The following GPHN variants were observed in gnomAD, a reference collection of about 807,000 sequenced individuals.
GPHN encodes the protein gephyrin.
GPHN carries 17 observed loss-of-function variants against 95.5 expected under a neutral mutation model. That is an observed-to-expected ratio of 0.18 (90% CI 0.12 to 0.27). The LOEUF is 0.27. Ranked by LOEUF, GPHN falls within the 10% of genes least tolerant of loss-of-function variation. GPHN has a pLI of 1.00. For synonymous variants in GPHN, 320 were observed against 322.5 expected (o/e 0.99, Z 0.08); for missense variants, 660 against 978.1 (o/e 0.67, Z 4.34).
the GPHN span, among the ~76,000 whole-genome samples, chr14:67,417,202 T>C: frequency 6.6e-6 from 1 of 152,228 alleles, no homozygotes. Flanking sequence ...ATGTTACTGA[T>C]GGCAAGTTAC....
At chr14:67,620,868 A>G in the GPHN span, 1 of 1,613,278 alleles carries the variant, frequency 6.2e-7, no homozygotes, top group Non-Finnish European at 8.5e-7. Context: ...CTCTACCTCT[A>G]ATTGTGTAAT....
At chr14:67,221,998 G>T in the GPHN span, 1 of 638,288 alleles carries the variant, frequency 1.6e-6, no homozygotes, top group Non-Finnish European at 2.5e-6. Context: ...CCGATCCTCA[G>T]GCTATCTTTC....
At chr14:67,434,555 C>T in the GPHN span, among the ~76,000 whole-genome samples, 719 of 152,258 alleles carry the variant, frequency 4.7e-3, 6 homozygotes, top group African/African-American at 0.016. Flanking sequence ...TCAAGAAGGT[C>T]AGTTTATGAA....
chr14:67,382,860 G>A, the GPHN span, among the ~76,000 whole-genome samples: 1 of 152,018 alleles, frequency 6.6e-6, no homozygotes, highest in Non-Finnish European at 1.5e-5. Context: ...GTTGTCTCCT[G>A]TCTTTTCCTT....
At chr14:67,104,276 T>C (rs2077911359) in intron 13 of GPHN, among the ~76,000 whole-genome samples, 1 of 152,222 alleles carries the variant, frequency 6.6e-6, no homozygotes, top group Non-Finnish European at 1.5e-5. Flanking sequence ...GCAAGTGTTT[T>C]ATTAAGCATT....
At chr14:66,551,997 A>T (rs1281407864) in intron 1 of GPHN, among the ~76,000 whole-genome samples, 1 of 152,088 alleles carries the variant, frequency 6.6e-6, no homozygotes, top group African/African-American at 2.4e-5. Flanking sequence ...AGAGAAACCA[A>T]CCTTTATCTT....
intron 11 of GPHN, among the ~76,000 whole-genome samples, chr14:67,068,810 A>G (rs958915486): frequency 7.2e-5 from 11 of 152,196 alleles, no homozygotes; most frequent in Non-Finnish European, 1.6e-4. Context: ...AATACTGACC[A>G]CAGCACAAAG....
intron 1 of GPHN, among the ~76,000 whole-genome samples, chr14:66,512,988 T>A (rs1048445789): frequency 5.9e-5 from 9 of 151,774 alleles, no homozygotes. Context: ...CTTAGCTGTT[T>A]TTTTAATATG....
intron 1 of GPHN, among the ~76,000 whole-genome samples, chr14:66,561,800 G>A (rs946087369): frequency 6.6e-6 from 1 of 152,072 alleles, no homozygotes; most frequent in African/African-American, 2.4e-5. Context: ...TAGTTCTGAA[G>A]ATCAGAGGTC....
At chr14:67,242,188 A>T in the GPHN span, among the ~76,000 whole-genome samples, 1 of 152,208 alleles carries the variant, frequency 6.6e-6, no homozygotes, top group Non-Finnish European at 1.5e-5. Flanking sequence ...TAACTTTCTA[A>T]TGATCATAAC....
the GPHN span, among the ~76,000 whole-genome samples, chr14:67,417,947 T>G: frequency 1.3e-5 from 2 of 152,092 alleles, no homozygotes; most frequent in Non-Finnish European, 2.9e-5. Context: ...GGTCTCCCTG[T>G]GTTGCCCAGG....
At chr14:66,846,299 G>A (rs2062335590) in intron 4 of GPHN, among the ~76,000 whole-genome samples, 1 of 152,220 alleles carries the variant, frequency 6.6e-6, no homozygotes, top group Non-Finnish European at 1.5e-5. Context: ...ATGTGTGAGA[G>A]ATAAGTTAAT....
the GPHN span, among the ~76,000 whole-genome samples, chr14:67,375,690 CTG>C: frequency 6.6e-6 from 1 of 152,158 alleles, no homozygotes; most frequent in African/African-American, 2.4e-5. Context: ...TTTGAAAACA[CTG>C]TCAGTAAAAT....
the GPHN span, chr14:67,316,989 A>AG: frequency 6.2e-5 from 63 of 1,011,150 alleles, no homozygotes; most frequent in East Asian, 1.0e-4. Flanking sequence ...AGAACCGTGA[A>AG]GAAGTACTCA....
At chr14:67,449,381 G>A in the GPHN span, among the ~76,000 whole-genome samples, 1 of 152,168 alleles carries the variant, frequency 6.6e-6, no homozygotes, top group Non-Finnish European at 1.5e-5. Context: ...GAAGAGGGTT[G>A]TGGTAGGCAC....
the GPHN span, among the ~76,000 whole-genome samples, chr14:67,709,753 G>T: frequency 1.3e-5 from 2 of 152,166 alleles, no homozygotes; most frequent in Admixed American, 6.6e-5. Flanking sequence ...TAAAAAATTA[G>T]CAGGACTTTG....
At chr14:66,551,529 G>T (rs372660781) in intron 1 of GPHN, among the ~76,000 whole-genome samples, 20 of 152,222 alleles carry the variant, frequency 1.3e-4, no homozygotes, top group African/African-American at 4.3e-4. Context: ...GTTGCTCTTC[G>T]GATATTCACA....
chr14:67,491,563 A>T, the GPHN span, among the ~76,000 whole-genome samples: 1 of 152,278 alleles, frequency 6.6e-6, no homozygotes, highest in Admixed American at 6.5e-5. Context: ...GGGTTTTAGG[A>T]GCTCTATGAC....
chr14:67,103,527 T>G (rs1419530204), intron 13 of GPHN, among the ~76,000 whole-genome samples: 1 of 147,052 alleles, frequency 6.8e-6, no homozygotes, highest in Non-Finnish European at 1.5e-5. Flanking sequence ...TTTTTTTTTT[T>G]TTTTTTTTTT....
Sources: gnomAD v4.1 joint callset for allele counts (sites outside exome capture counted in the v4.1 genomes callset) on GRCh38, gnomAD v4.1.1 for gene constraint, MANE v1.5 for transcripts, NCBI Gene and HGNC (gene_info 2026-07-23, HGNC 2026-07-21) for gene names.